DPP6: variants seen among roughly 807,000 people sequenced by gnomAD.
DPP6 encodes the protein A-type potassium channel modulatory protein DPP6.
A neutral mutation model predicts 122.6 loss-of-function variants in DPP6; 69 were observed. The ratio of observed to expected loss-of-function variants is 0.56; its 90% confidence interval spans 0.46 to 0.69. The LOEUF is 0.69. Among genes scored for constraint, DPP6 ranks in the 30% least tolerant of loss-of-function variants. DPP6 has a pLI of 0.00. For synonymous variants in DPP6, 418 were observed against 433.1 expected (o/e 0.97, Z 0.43); for missense variants, 928 against 1,116.9 (o/e 0.83, Z 2.41).
At chr7:153,776,397 C>T in the DPP6 span, among the ~76,000 whole-genome samples, 2 of 152,202 alleles carry the variant, frequency 1.3e-5, no homozygotes, top group African/African-American at 4.8e-5. Flanking sequence ...GGGCTTTTCC[C>T]CCTTTGCTTG....
chr7:154,756,252 G>A (rs1163738727), intron 8 of DPP6, among the ~76,000 whole-genome samples: 1 of 152,168 alleles, frequency 6.6e-6, no homozygotes, highest in Non-Finnish European at 1.5e-5. Flanking sequence ...AGAAGGCTCG[G>A]CAGCGCCCCA....
intron 6 of DPP6, among the ~76,000 whole-genome samples, chr7:154,668,821 A>T (rs1328253880): frequency 2.0e-5 from 3 of 152,162 alleles, no homozygotes; most frequent in Non-Finnish European, 4.4e-5. Flanking sequence ...AGGATAAAAA[A>T]TATAAGGAGG....
the DPP6 span, among the ~76,000 whole-genome samples, chr7:153,779,842 C>T: frequency 1.3e-5 from 2 of 149,254 alleles, no homozygotes; most frequent in African/African-American, 4.9e-5. Context: ...TTAGTTAGTA[C>T]TGTTGGAGCA....
intron 1 of DPP6, among the ~76,000 whole-genome samples, chr7:154,023,638 T>A (rs1213236504): frequency 6.6e-6 from 1 of 151,712 alleles, no homozygotes; most frequent in Non-Finnish European, 1.5e-5. Context: ...CCTACCACCA[T>A]GCTCGGCTAA....
intron 16 of DPP6, among the ~76,000 whole-genome samples, chr7:154,840,162 G>A (rs181761207): frequency 6.6e-6 from 1 of 152,300 alleles, no homozygotes; most frequent in Admixed American, 6.5e-5. Flanking sequence ...GAAGCTTTAT[G>A]GGTCAGCCCA....
intron 7 of DPP6, among the ~76,000 whole-genome samples, chr7:154,702,154 A>G (rs1272876607): frequency 2.0e-5 from 3 of 152,236 alleles, no homozygotes; most frequent in Non-Finnish European, 4.4e-5. Context: ...GTGCCTATAT[A>G]AGGTGGCAAA....
intron 1 of DPP6, among the ~76,000 whole-genome samples, chr7:154,389,657 T>A (rs1814439935): frequency 6.6e-6 from 1 of 152,226 alleles, no homozygotes; most frequent in African/African-American, 2.4e-5. Flanking sequence ...TTTTCAAATT[T>A]ATGAGCTAGA....
intron 10 of DPP6, among the ~76,000 whole-genome samples, chr7:154,792,547 C>T (rs1178441414): frequency 2.0e-5 from 3 of 152,150 alleles, no homozygotes; most frequent in Non-Finnish European, 4.4e-5. Flanking sequence ...CAAAGCAGGA[C>T]CTTTGTAGAA....
At chr7:154,586,982 A>T (rs1019244732) in intron 5 of DPP6, among the ~76,000 whole-genome samples, 2 of 152,248 alleles carry the variant, frequency 1.3e-5, no homozygotes, top group Non-Finnish European at 2.9e-5. Flanking sequence ...GATAAATGAA[A>T]GAACAAATGA....
At chr7:153,954,513 A>G (rs1056238442) in intron 1 of DPP6, among the ~76,000 whole-genome samples, 1 of 152,216 alleles carries the variant, frequency 6.6e-6, no homozygotes, top group Non-Finnish European at 1.5e-5. Flanking sequence ...TGTGATGGGT[A>G]ATTTTATGCA....
intron 1 of DPP6, among the ~76,000 whole-genome samples, chr7:154,226,058 C>T (rs1030088905): frequency 1.3e-5 from 2 of 152,170 alleles, no homozygotes; most frequent in African/African-American, 2.4e-5. Flanking sequence ...CTATTAAATG[C>T]ATTTCCTGAT....
At chr7:154,830,541 GA>G (rs1199131299) in intron 16 of DPP6, among the ~76,000 whole-genome samples, 2 of 152,230 alleles carry the variant, frequency 1.3e-5, no homozygotes, top group African/African-American at 4.8e-5. Flanking sequence ...CTGTCCAGTG[GA>G]AAAACCTTAC....
rs1340657026 is a variant in DPP6, at chr7:154,760,096, C to G, written c.884-9321C>G. Reference sequence around the variant, plus strand: ...AGAAATCATGCCATTGCACTCCAGCCTAGGTGACAGAGCGAGATTCTGTCT... The same window carrying G: ...AGAAATCATGCCATTGCACTCCAGCGTAGGTGACAGAGCGAGATTCTGTCT... On this transcript the variant is annotated intron_variant, in intron 8 of 25. Coordinates refer to ENST00000377770, the MANE Select transcript of DPP6 (RefSeq NM_130797.4). The surrounding 1 kb of genome is among the most constrained non-coding windows in gnomAD (Gnocchi z 4.5). 6.6e-6 allele frequency among the ~76,000 whole-genome samples: 1 copy of G among 152,190 alleles called. No homozygotes were observed. The highest frequency in any genetic ancestry group is 2.4e-5 in the African/African-American group (1 of 41,450).
intron 1 of DPP6, among the ~76,000 whole-genome samples, chr7:154,436,542 C>T (rs536983444): frequency 6.6e-6 from 1 of 152,256 alleles, no homozygotes. Context: ...TTCAGTTCAG[C>T]ACGTTAGGCC....
At chr7:154,771,745 C>T (rs1331268479) in intron 9 of DPP6, among the ~76,000 whole-genome samples, 1 of 152,170 alleles carries the variant, frequency 6.6e-6, no homozygotes, top group Non-Finnish European at 1.5e-5. Context: ...GTTAACATGG[C>T]ATGGATTTGC....
intron 1 of DPP6, among the ~76,000 whole-genome samples, chr7:153,961,575 G>T (rs1447046077): frequency 6.6e-6 from 1 of 151,182 alleles, no homozygotes; most frequent in Non-Finnish European, 1.5e-5. Context: ...GGGGTGGGGT[G>T]GGATGGTTTC....
At chr7:154,251,649 G>A (rs576219031) in intron 1 of DPP6, among the ~76,000 whole-genome samples, 10 of 152,314 alleles carry the variant, frequency 6.6e-5, no homozygotes, top group East Asian at 3.9e-4. Context: ...GTCTGTGGCC[G>A]AAGGCCCAAG....
At chr7:154,832,435 C>A (rs1800704222) in intron 16 of DPP6, among the ~76,000 whole-genome samples, 1 of 152,194 alleles carries the variant, frequency 6.6e-6, no homozygotes, top group African/African-American at 2.4e-5. Context: ...TACCCAACAA[C>A]CGATCATGGG....
chr7:154,406,408 C>T (rs1214095957), intron 1 of DPP6, among the ~76,000 whole-genome samples: 1 of 145,556 alleles, frequency 6.9e-6, no homozygotes, highest in East Asian at 2.1e-4. Flanking sequence ...TTAGGAGTAG[C>T]CGGGGGATGC....
Sources: gnomAD v4.1 joint callset for allele counts (sites outside exome capture counted in the v4.1 genomes callset) on GRCh38, gnomAD v4.1.1 for gene constraint, Gnocchi (gnomAD v3.1) non-coding constraint, MANE v1.5 for transcripts, NCBI Gene and HGNC (gene_info 2026-07-23, HGNC 2026-07-21) for gene names.